Variants in FRMD6 observed in about 807,000 individuals in gnomAD.
FRMD6 encodes FERM domain containing 6, also known as FERM domain-containing protein 6.
Under a neutral mutation model 73.2 loss-of-function variants are expected in FRMD6, and 37 were observed. The ratio of observed to expected loss-of-function variants is 0.51; its 90% CI spans 0.39 to 0.66. FRMD6 has a LOEUF of 0.66. Among genes scored for constraint, FRMD6 ranks in the 30% least tolerant of loss-of-function variants. The pLI is 0.00. For missense variants in FRMD6, 714 were observed against 780.5 expected, an observed-to-expected ratio of 0.91 and a Z score of 1.02; for synonymous variants, 273 against 282.2, an observed-to-expected ratio of 0.97 and a Z score of 0.33.
intron 7 of FRMD6, among the ~76,000 whole-genome samples, chr14:51,709,477 T>A (rs1433593242): frequency 6.6e-6 from 1 of 152,194 alleles, no homozygotes; most frequent in Non-Finnish European, 1.5e-5. Context: ...GCTAGACCAT[T>A]GGAAACTGGG....
chr14:51,575,757 A>G (rs551703434), intron 2 of FRMD6: 3 of 152,316 alleles, frequency 2.0e-5, no homozygotes, highest in Non-Finnish European at 4.4e-5. Context: ...ACGTTTGCAG[A>G]TGGCTGGAAC....
At chr14:51,586,661 TAGA>T (rs1338167156) in intron 2 of FRMD6, among the ~76,000 whole-genome samples, 1 of 152,208 alleles carries the variant, frequency 6.6e-6, no homozygotes, top group African/African-American at 2.4e-5. Flanking sequence ...GGGCAATGTC[TAGA>T]AGAATATTTC....
the FRMD6 span, among the ~76,000 whole-genome samples, chr14:51,442,014 A>G: frequency 1.3e-5 from 2 of 152,192 alleles, no homozygotes; most frequent in Non-Finnish European, 2.9e-5. Context: ...GCTTGTTATC[A>G]TCCGTGTGTG....
intron 1 of FRMD6, among the ~76,000 whole-genome samples, chr14:51,557,057 G>C (rs1282224527): frequency 5.3e-5 from 8 of 152,112 alleles, no homozygotes; most frequent in Non-Finnish European, 1.2e-4. Flanking sequence ...AGGCTGAGCG[G>C]GGAGGATTGC....
chr14:51,513,527 G>A (rs10484091), intron 1 of FRMD6, among the ~76,000 whole-genome samples: 2,176 of 152,250 alleles, frequency 0.014, 51 homozygotes, highest in African/African-American at 0.05. Flanking sequence ...ACAGTTCAAA[G>A]TCTGGATGGC....
chr14:51,595,779 A>G (rs948669970), intron 2 of FRMD6, among the ~76,000 whole-genome samples: 1 of 152,240 alleles, frequency 6.6e-6, no homozygotes, highest in African/African-American at 2.4e-5. Flanking sequence ...AGTAAACAAC[A>G]GTTTGCCTTC....
chr14:51,720,238 C>T lies in FRMD6; in HGVS notation c.1208C>T (p.Pro403Leu), dbSNP rs1313057241. ...TCGGGCATTGAGGCAGACACCAAGC[C>T]CCGGGACACGGGGCCAGAAGACAGC... is the stretch of plus-strand genomic sequence containing the variant. ...HTSGIEADTK[P>L]RDTGPEDSYS... Residue 403 changes from proline to leucine, a missense_variant, in exon 11 of 14, where the codon CCC (proline) becomes CTC (leucine). Transcript: ENST00000344768. 6.8e-6 allele frequency: 11 copies of T among 1,613,812 alleles called. No homozygotes were observed. The highest frequency in any genetic ancestry group is 8.5e-6 in the Non-Finnish European group (10 of 1,179,948).
the FRMD6 span, among the ~76,000 whole-genome samples, chr14:51,425,178 C>A: frequency 6.6e-6 from 1 of 152,158 alleles, no homozygotes; most frequent in Non-Finnish European, 1.5e-5. Flanking sequence ...ATGGACGGGA[C>A]TTTGGCTGGG....
chr14:51,453,966 G>A, the FRMD6 span, among the ~76,000 whole-genome samples: 52 of 152,334 alleles, frequency 3.4e-4, no homozygotes, highest in African/African-American at 1.1e-3. Context: ...CATGCTTTAA[G>A]AGGAAATTAC....
chr14:51,581,378 T>C (rs2139661089), intron 2 of FRMD6, among the ~76,000 whole-genome samples: 1 of 152,304 alleles, frequency 6.6e-6, no homozygotes, highest in South Asian at 2.1e-4. Flanking sequence ...AGTAAGGCAA[T>C]TCCCCACTCT....
At chr14:51,724,309 G>A (rs866570797) in intron 12 of FRMD6, 4 of 152,016 alleles carry the variant, frequency 2.6e-5, no homozygotes, top group Admixed American at 2.6e-4. Flanking sequence ...TAAGTGTTTT[G>A]AGCATCAGCT....
chr14:51,544,081 C>T (rs7140150), intron 1 of FRMD6, among the ~76,000 whole-genome samples: 83,889 of 151,200 alleles, frequency 0.55, 23,416 homozygotes, highest in South Asian at 0.58. Context: ...TCTCATTTCA[C>T]TGATTGTCCC....
chr14:51,648,250 TTATC>T (rs1196954015), upstream of FRMD6, among the ~76,000 whole-genome samples: 1 of 152,232 alleles, frequency 6.6e-6, no homozygotes, highest in Non-Finnish European at 1.5e-5. Context: ...ACAGCAGTTC[TTATC>T]TCATTTTCTA....
intron 2 of FRMD6, among the ~76,000 whole-genome samples, chr14:51,616,615 G>A (rs1890726685): frequency 6.6e-6 from 1 of 152,134 alleles, no homozygotes; most frequent in Non-Finnish European, 1.5e-5. Context: ...ATCCTAAGGT[G>A]GGGTTTACTG....
chr14:51,410,168 T>C, the FRMD6 span, among the ~76,000 whole-genome samples: 2 of 152,196 alleles, frequency 1.3e-5, no homozygotes, highest in Non-Finnish European at 2.9e-5. Context: ...GAAAAAGTCT[T>C]CCCAAAATTG....
At chr14:51,604,955 G>A (rs79397301) in intron 2 of FRMD6, among the ~76,000 whole-genome samples, 38 of 152,110 alleles carry the variant, frequency 2.5e-4, no homozygotes, top group African/African-American at 7.7e-4. Context: ...AGATTATATC[G>A]TTGAAGTGTA....
Position 51,587,419 on chromosome 14 carries a change from A to C in FRMD6, c.-147+17009A>C, listed in dbSNP as rs113052002. 3.9e-3 allele frequency among the ~76,000 whole-genome samples: 589 copies of C among 152,352 alleles called. 3 individuals carry two copies. The highest frequency in any genetic ancestry group is 0.013 in the African/African-American group (556 of 41,572). On this transcript the variant is annotated intron_variant, in intron 2 of 14. Coordinates refer to the FRMD6 transcript ENST00000356218. ...AACACTCTTTATGCCAAGTTTTATT[A>C]GCTTGGGTTAATTGTATGGCCGCGG...
intron 1 of FRMD6, among the ~76,000 whole-genome samples, chr14:51,525,155 GAT>G (rs1885177337): frequency 6.6e-6 from 1 of 150,928 alleles, no homozygotes; most frequent in African/African-American, 2.4e-5. Flanking sequence ...TGGATGGATG[GAT>G]GGATGGATGG....
chr14:51,414,147 C>G, the FRMD6 span, among the ~76,000 whole-genome samples: 2 of 152,164 alleles, frequency 1.3e-5, no homozygotes, highest in African/African-American at 4.8e-5. Flanking sequence ...GGCAGAAGCT[C>G]TTTAGTTTAA....
Sources: gnomAD v4.1 joint callset for allele counts (sites outside exome capture counted in the v4.1 genomes callset) on GRCh38, gnomAD v4.1.1 for gene constraint, MANE v1.5 for transcripts, NCBI Gene and HGNC (gene_info 2026-07-23, HGNC 2026-07-21) for gene names.